Variants in IPO11 observed in about 807,000 individuals in gnomAD.
IPO11 encodes the protein importin 11.
IPO11 carries 66 observed loss-of-function variants against 143.2 expected under a neutral mutation model. That is an observed-to-expected ratio of 0.46 (90% CI 0.38 to 0.57). The LOEUF (loss-of-function observed/expected upper bound fraction) is 0.57. Ranked by LOEUF, IPO11 falls within the 20% of genes least tolerant of loss-of-function variation. The pLI is 0.00. For missense variants in IPO11, 1,026 were observed against 1,141.0 expected, an observed-to-expected ratio of 0.90 and a Z score of 1.45; for synonymous variants, 385 against 377.8, an observed-to-expected ratio of 1.02 and a Z score of -0.22.
intron 27 of IPO11, among the ~76,000 whole-genome samples, chr5:62,570,986 T>TA (rs1238688923): frequency 1.3e-5 from 2 of 152,176 alleles, no homozygotes; most frequent in Non-Finnish European, 2.9e-5. Context: ...GTTGATGTGA[T>TA]ATAGAAAAAT....
At chr5:62,616,684 C>T (rs1580393173) in intron 29 of IPO11, among the ~76,000 whole-genome samples, 1 of 144,156 alleles carries the variant, frequency 6.9e-6, no homozygotes, top group Non-Finnish European at 1.5e-5. Flanking sequence ...TGTGCCCCTG[C>T]ACTCCAGCCT....
chr5:62,590,348 G>A (rs765924363), intron 27 of IPO11, among the ~76,000 whole-genome samples: 51 of 152,118 alleles, frequency 3.4e-4, no homozygotes, highest in Non-Finnish European at 5.6e-4. Flanking sequence ...AACCCTGTTG[G>A]ATGATATAAG....
In IPO11 at chr5:62,533,058, G is replaced by C. The variant is rs981451537; in HGVS notation, c.2089+2273G>C. Among the ~76,000 whole-genome samples, 5 of 152,096 alleles carry C rather than the reference G, an allele frequency of 3.3e-5. No individual in the cohort carries two copies. The East Asian group carries it at 9.6e-4, about 29-fold the overall frequency. ...AAAAGATAAACATAATTTGTTTTAT[G>C]CATTGTGGTATGTGTATTTACATCA... On this transcript the variant is annotated intron_variant, in intron 22 of 29. Coordinates refer to ENST00000325324, the MANE Select transcript of IPO11 (RefSeq NM_016338.5).
chr5:62,587,421 T>C (rs1744836980), intron 27 of IPO11, among the ~76,000 whole-genome samples: 2 of 152,178 alleles, frequency 1.3e-5, no homozygotes, highest in South Asian at 4.1e-4. Context: ...AGGATGTATG[T>C]TTCCATTTAA....
chr5:62,453,179 A>G (rs1561317159), intron 5 of IPO11, among the ~76,000 whole-genome samples: 1 of 150,904 alleles, frequency 6.6e-6, no homozygotes, highest in Non-Finnish European at 1.5e-5. Context: ...TTTCTTCTCT[A>G]AATGTACTTT....
At chr5:62,460,509 T>C (rs1485060987) in intron 5 of IPO11, among the ~76,000 whole-genome samples, 1 of 152,212 alleles carries the variant, frequency 6.6e-6, no homozygotes, top group Non-Finnish European at 1.5e-5. Flanking sequence ...TGTAAAACTT[T>C]TTTGGTGCTA....
intron 1 of IPO11, among the ~76,000 whole-genome samples, chr5:62,435,074 A>ATATATATGTGTATATATGTATATATG (rs1744126922): frequency 9.7e-6 from 1 of 103,248 alleles, no homozygotes; most frequent in Non-Finnish European, 2.0e-5. Context: ...ATATATATGT[A>ATATATATGTGTATATATGTATATATG]TATATATGTG....
At chr5:62,555,566 C>T (rs891634595) in intron 26 of IPO11, among the ~76,000 whole-genome samples, 2 of 151,626 alleles carry the variant, frequency 1.3e-5, no homozygotes, top group African/African-American at 4.9e-5. Flanking sequence ...TGCAGTGGTG[C>T]AGTCTCGGCT....
intron 29 of IPO11, among the ~76,000 whole-genome samples, chr5:62,620,517 T>TAA (rs71608518): frequency 7.6e-5 from 8 of 105,764 alleles, no homozygotes; most frequent in East Asian, 2.8e-4. Flanking sequence ...AGACTCTGTC[T>TAA]AAAAAAAAAA....
intron 19 of IPO11, among the ~76,000 whole-genome samples, chr5:62,513,952 CG>C (rs1006832408): frequency 6.9e-6 from 1 of 144,126 alleles, no homozygotes; most frequent in Non-Finnish European, 1.5e-5. Flanking sequence ...ACATCCCAGA[CG>C]GGGCGGCGGG....
At chr5:62,481,492 G>A (rs890640702) in intron 9 of IPO11, among the ~76,000 whole-genome samples, 2 of 152,048 alleles carry the variant, frequency 1.3e-5, no homozygotes, top group African/African-American at 4.8e-5. Context: ...TTTGTCGAAG[G>A]CCTTTTCTGC....
chr5:62,452,441 C>A (rs1389298742), intron 5 of IPO11, among the ~76,000 whole-genome samples: 3 of 150,722 alleles, frequency 2.0e-5, no homozygotes, highest in Non-Finnish European at 4.4e-5. Context: ...GCAAGGAGGT[C>A]AGTTTGAGGC....
At chr5:62,608,485 C>T (rs1474101817) in intron 29 of IPO11, among the ~76,000 whole-genome samples, 1 of 152,172 alleles carries the variant, frequency 6.6e-6, no homozygotes, top group African/African-American at 2.4e-5. Flanking sequence ...CCTCTGCAGT[C>T]TGCCTCCTTT....
At chr5:62,457,331 T>TA (rs570902206) in intron 5 of IPO11, among the ~76,000 whole-genome samples, 286 of 151,772 alleles carry the variant, frequency 1.9e-3, no homozygotes, top group African/African-American at 6.5e-3. Flanking sequence ...CTACAAAAAA[T>TA]AAAAAAATTA....
chr5:62,530,885 C>G (rs1561350710), intron 22 of IPO11, 100 bp downstream of exon 22: 1 of 858,778 alleles, frequency 1.2e-6, no homozygotes, highest in Admixed American at 2.0e-5. Flanking sequence ...GTTGTAAGTT[C>G]AACTTCTAGT....
chr5:62,433,361 T>A (rs568513170), intron 1 of IPO11, among the ~76,000 whole-genome samples: 1 of 152,312 alleles, frequency 6.6e-6, no homozygotes, highest in Non-Finnish European at 1.5e-5. Flanking sequence ...TTCTTTTGTT[T>A]ACTTGTTTCT....
At chr5:62,564,408 C>T (rs1186458777) in intron 27 of IPO11, among the ~76,000 whole-genome samples, 1 of 152,228 alleles carries the variant, frequency 6.6e-6, no homozygotes, top group Non-Finnish European at 1.5e-5. Context: ...TCTTATTTTT[C>T]TACATACTAG....
At chr5:62,563,920 C>G (rs1743852359) in intron 27 of IPO11, among the ~76,000 whole-genome samples, 1 of 152,108 alleles carries the variant, frequency 6.6e-6, no homozygotes, top group Non-Finnish European at 1.5e-5. Flanking sequence ...TTTATTAAGA[C>G]TTGAAATTCT....
In IPO11 at chr5:62,568,840, T is replaced by C. The variant is rs554633476; in HGVS notation, c.2582+7583T>C. On this transcript the variant is annotated intron_variant, in intron 27 of 29. Transcript: ENST00000325324. ...AGTGTCTGAGCTTTAAAGAATTAGA[T>C]ATTTTTTCTGTCTTCACAGCCTGGC... Among the ~76,000 whole-genome samples, 6 of 152,284 alleles carry C rather than the reference T, an allele frequency of 3.9e-5. No individual in the cohort carries two copies. The South Asian group carries it at 1.0e-3, about 26-fold the overall frequency.
Sources: gnomAD v4.1 joint callset for allele counts (sites outside exome capture counted in the v4.1 genomes callset) on GRCh38, gnomAD v4.1.1 for gene constraint, MANE v1.5 for transcripts, NCBI Gene and HGNC (gene_info 2026-07-23, HGNC 2026-07-21) for gene names.